The following SYT1 variants were observed in gnomAD, a reference collection of about 807,000 sequenced individuals.
SYT1 encodes synaptotagmin-1.
A neutral mutation model predicts 44.8 loss-of-function variants in SYT1; 8 were observed. The observed-to-expected ratio is 0.18, with a 90% CI of 0.10 to 0.32. The LOEUF is 0.32. Among genes scored for constraint, SYT1 ranks in the 10% least tolerant of loss-of-function variants. The pLI is 1.00. For missense variants in SYT1, 286 were observed against 509.3 expected (o/e 0.56, Z 4.22); for synonymous variants, 154 against 188.8 (o/e 0.82, Z 1.51).
intron 3 of SYT1, among the ~76,000 whole-genome samples, chr12:79,051,340 C>G (rs1874472749): frequency 6.7e-6 from 1 of 149,414 alleles, no homozygotes; most frequent in Non-Finnish European, 1.5e-5. Context: ...ATATATGTAT[C>G]TCCACTATGT....
At chr12:79,097,689 T>C (rs369419359) in intron 3 of SYT1, among the ~76,000 whole-genome samples, 9 of 152,144 alleles carry the variant, frequency 5.9e-5, no homozygotes, top group African/African-American at 9.6e-5. Context: ...AGCAGTCCTA[T>C]TGACCTCTGG....
chr12:79,369,079 C>T (rs1249410468), intron 9 of SYT1, among the ~76,000 whole-genome samples: 2 of 152,150 alleles, frequency 1.3e-5, no homozygotes, highest in African/African-American at 2.4e-5. Flanking sequence ...AACTGTGCCT[C>T]CCTCAAACAA....
chr12:79,224,793 A>C (rs1240737474), intron 4 of SYT1, among the ~76,000 whole-genome samples: 1 of 144,144 alleles, frequency 6.9e-6, no homozygotes, highest in Non-Finnish European at 1.5e-5. Context: ...TATTATTATT[A>C]TTAGAGACAG....
At chr12:79,178,967 GAT>G (rs58369090) in intron 3 of SYT1, among the ~76,000 whole-genome samples, 1,165 of 58,554 alleles carry the variant, frequency 0.02, 159 homozygotes, top group East Asian at 0.062. Flanking sequence ...TATAGATATA[GAT>G]ATATAGATAT....
chr12:79,138,762 T>C (rs541821338), intron 3 of SYT1, among the ~76,000 whole-genome samples: 1 of 152,340 alleles, frequency 6.6e-6, no homozygotes, highest in Non-Finnish European at 1.5e-5. Flanking sequence ...CCTTTTTGTA[T>C]ATTTACATGA....
chr12:79,430,536 A>G (rs1244579789), intron 9 of SYT1, among the ~76,000 whole-genome samples: 1 of 152,192 alleles, frequency 6.6e-6, no homozygotes, highest in Non-Finnish European at 1.5e-5. Flanking sequence ...CTGTAATCCC[A>G]GGACTTTGGG....
chr12:79,253,129 A>G (rs181516377), intron 4 of SYT1, among the ~76,000 whole-genome samples: 325 of 152,222 alleles, frequency 2.1e-3, no homozygotes, highest in Non-Finnish European at 3.3e-3. Context: ...AGACCAATCA[A>G]TGACAAAAAG....
chr12:79,156,757 G>A (rs748775922), intron 3 of SYT1, among the ~76,000 whole-genome samples: 4 of 152,214 alleles, frequency 2.6e-5, no homozygotes, highest in South Asian at 2.1e-4. Flanking sequence ...GTGAGCCACC[G>A]CACCTGGCCT....
intron 8 of SYT1, among the ~76,000 whole-genome samples, chr12:79,346,262 A>G (rs1237799532): frequency 6.6e-6 from 1 of 152,222 alleles, no homozygotes; most frequent in Non-Finnish European, 1.5e-5. Context: ...CAAAAAGGAA[A>G]GGTATTTTTG....
chr12:79,128,106 A>G (rs1196680023), intron 3 of SYT1, among the ~76,000 whole-genome samples: 1 of 152,144 alleles, frequency 6.6e-6, no homozygotes, highest in African/African-American at 2.4e-5. Flanking sequence ...ATAGATAGAA[A>G]GATAGCCTGG....
intron 3 of SYT1, among the ~76,000 whole-genome samples, chr12:79,098,460 A>G (rs532189280): frequency 2.2e-4 from 34 of 152,136 alleles, no homozygotes; most frequent in Non-Finnish European, 4.6e-4. Context: ...TATATTGGCT[A>G]GATCTAAATT....
intron 3 of SYT1, among the ~76,000 whole-genome samples, chr12:79,061,484 A>G (rs1875380935): frequency 6.6e-6 from 1 of 152,126 alleles, no homozygotes; most frequent in East Asian, 1.9e-4. Flanking sequence ...CAGGACTTCT[A>G]GATACAAGGC....
chr12:78,916,636 A>C (rs4529943), intron 1 of SYT1, among the ~76,000 whole-genome samples: 119,218 of 151,796 alleles, frequency 0.79, 47,775 homozygotes, highest in African/African-American at 0.94. Flanking sequence ...TTTATAAAGG[A>C]CTTGGTTAAT....
rs768823059 is a variant in SYT1 at position 79,284,424 on chromosome 12, TA to T, written c.167-1360del. Among the ~76,000 whole-genome samples, 7 of 152,334 alleles carry T rather than the reference TA, an allele frequency of 4.6e-5. 1 individual carries two copies. The highest frequency in any genetic ancestry group is 3.3e-4 in the Admixed American group (5 of 15,310). On this transcript the variant is annotated intron_variant, in intron 4 of 10. Transcript: ENST00000261205. ...CCTCTCATTGCCTTTGCATTTTCAC[TA>T]AACTCCCCTCTGTGTATTTATCTTG...
At chr12:79,098,224 T>C (rs1473074735) in intron 3 of SYT1, among the ~76,000 whole-genome samples, 1 of 152,060 alleles carries the variant, frequency 6.6e-6, no homozygotes, top group Non-Finnish European at 1.5e-5. Flanking sequence ...AGTAAGTCTT[T>C]CTGACACTAA....
At chr12:79,330,350 C>T (rs540670938) in intron 8 of SYT1, among the ~76,000 whole-genome samples, 3 of 152,326 alleles carry the variant, frequency 2.0e-5, no homozygotes, top group African/African-American at 7.2e-5. Context: ...TGTGATTTCT[C>T]TTCCAGATCA....
At chr12:79,105,749 G>A (rs1261187583) in intron 3 of SYT1, among the ~76,000 whole-genome samples, 2 of 151,970 alleles carry the variant, frequency 1.3e-5, no homozygotes, top group South Asian at 2.1e-4. Flanking sequence ...GCCTGGTGGC[G>A]GGCGCCTGTA....
At chr12:78,876,929 T>TATA (rs1565698030) in intron 1 of SYT1, among the ~76,000 whole-genome samples, 2 of 115,884 alleles carry the variant, frequency 1.7e-5, no homozygotes, top group Non-Finnish European at 1.7e-5. Flanking sequence ...ATAATATATA[T>TATA]TATATATTAT....
chr12:78,998,156 C>G (rs980990067), intron 2 of SYT1, among the ~76,000 whole-genome samples: 1 of 152,134 alleles, frequency 6.6e-6, no homozygotes, highest in African/African-American at 2.4e-5. Context: ...TCATAGTTTG[C>G]CTAGTGCTGT....
Sources: allele counts gnomAD v4.1 joint callset (sites outside exome capture counted in the v4.1 genomes callset), GRCh38; gene constraint gnomAD v4.1.1; transcripts MANE v1.5; gene names NCBI Gene and HGNC (gene_info 2026-07-23, HGNC 2026-07-21).